The following CDH7 variants were observed in gnomAD, a reference collection of about 807,000 sequenced individuals.
CDH7 encodes cadherin 7.
CDH7 carries 25 observed loss-of-function variants against 71.8 expected under a neutral mutation model. That is an observed-to-expected ratio of 0.35 (90% CI 0.25 to 0.49). The LOEUF (loss-of-function observed/expected upper bound fraction) is 0.49. Ranked by LOEUF, CDH7 falls within the 20% of genes least tolerant of loss-of-function variation. The probability of loss-of-function intolerance (pLI) is 0.99; values close to 1 mark genes in which losing one functional copy is unlikely to be tolerated. For synonymous variants in CDH7, 381 were observed against 363.8 expected (o/e 1.05, Z -0.54); for missense variants, 862 against 974.6 (o/e 0.88, Z 1.54).
chr18:65,873,511 A>C (rs1004797272), intron 11 of CDH7, among the ~76,000 whole-genome samples: 18 of 152,232 alleles, frequency 1.2e-4, no homozygotes, highest in African/African-American at 4.1e-4. Flanking sequence ...TTATCATTTT[A>C]ATATGTGATC....
At chr18:65,767,639 T>C (rs1916415864) in intron 2 of CDH7, among the ~76,000 whole-genome samples, 3 of 152,190 alleles carry the variant, frequency 2.0e-5, no homozygotes, top group South Asian at 4.1e-4. Flanking sequence ...ATTTTCATAA[T>C]AACTTTACAA....
intron 7 of CDH7, among the ~76,000 whole-genome samples, chr18:65,851,983 T>C (rs1341726184): frequency 6.6e-6 from 1 of 152,154 alleles, no homozygotes; most frequent in Non-Finnish European, 1.5e-5. Context: ...TTAATGCTGC[T>C]AGTTTGTCTT....
chr18:65,816,754 C>T (rs1440289402), intron 4 of CDH7, among the ~76,000 whole-genome samples: 1 of 152,064 alleles, frequency 6.6e-6, no homozygotes, highest in Non-Finnish European at 1.5e-5. Flanking sequence ...GTTGCAAAAC[C>T]CAGTGTTGAC....
At chr18:65,800,210 G>T (rs1335507993) in intron 2 of CDH7, among the ~76,000 whole-genome samples, 1 of 152,060 alleles carries the variant, frequency 6.6e-6, no homozygotes, top group African/African-American at 2.4e-5. Context: ...CTCCCGAGTA[G>T]CTGGGACTAC....
chr18:65,820,761 A>C (rs1317995291), intron 4 of CDH7, among the ~76,000 whole-genome samples: 1 of 152,170 alleles, frequency 6.6e-6, no homozygotes. Context: ...AACTTTGACT[A>C]CCAGACTTCT....
intron 7 of CDH7, among the ~76,000 whole-genome samples, chr18:65,849,897 C>A (rs1913084415): frequency 6.6e-6 from 1 of 151,938 alleles, no homozygotes; most frequent in African/African-American, 2.4e-5. Flanking sequence ...AGCACGGTGG[C>A]TCACGTCTGT....
intron 11 of CDH7, among the ~76,000 whole-genome samples, chr18:65,875,575 C>T (rs1453215199): frequency 6.6e-6 from 1 of 152,094 alleles, no homozygotes; most frequent in African/African-American, 2.4e-5. Flanking sequence ...AATTGCTGGA[C>T]AACTTAAACT....
chr18:65,805,974 G>T (rs984473724), intron 2 of CDH7, among the ~76,000 whole-genome samples: 14 of 152,100 alleles, frequency 9.2e-5, no homozygotes, highest in Non-Finnish European at 1.3e-4. Flanking sequence ...TCTAAACTAG[G>T]ATTATGATTC....
intron 7 of CDH7, among the ~76,000 whole-genome samples, chr18:65,850,419 G>GA (rs565158596): frequency 2.6e-5 from 4 of 151,566 alleles, no homozygotes; most frequent in Admixed American, 2.6e-4. Flanking sequence ...AGAAAGAAAG[G>GA]AAAAAACTGA....
In CDH7 at chr18:65,883,541, A is replaced by G. The variant is rs1045191527; in HGVS notation, c.*2647A>G. 6.6e-6 allele frequency: 1 copy of G among 152,058 alleles called. No individual in the cohort carries two copies. Among genetic ancestry groups the G allele is most frequent in the African/African-American group, 2.4e-5 (1 of 41,450 alleles). 9.4% of individuals were successfully genotyped at this position (152,058 alleles called of 1,614,324 possible). A position where few individuals can be genotyped will look rare whatever the true frequency, so the allele number is the denominator to read the frequency against. On this transcript the variant is annotated 3_prime_UTR_variant, in exon 12 of 12. Coordinates refer to ENST00000397968, the MANE Select transcript of CDH7 (RefSeq NM_004361.5). ...TATTATCAAGTTGCTTAAATTCAGT[A>G]TTATACTGAAACCAACTAGAATGAG...
At chr18:65,871,465 A>T (rs1235281848) in intron 11 of CDH7, among the ~76,000 whole-genome samples, 1 of 152,200 alleles carries the variant, frequency 6.6e-6, no homozygotes, top group Non-Finnish European at 1.5e-5. Flanking sequence ...GAGGTCCTTA[A>T]ATAGGCAGGA....
chr18:65,826,596 A>G (rs963801381), intron 6 of CDH7, among the ~76,000 whole-genome samples: 4 of 89,440 alleles, frequency 4.5e-5, no homozygotes, highest in Non-Finnish European at 9.2e-5. Flanking sequence ...ATACAGAATA[A>G]CAGATTATAA....
At chr18:65,752,146 A>G (rs1915900033) in intron 1 of CDH7, among the ~76,000 whole-genome samples, 1 of 152,220 alleles carries the variant, frequency 6.6e-6, no homozygotes, top group African/African-American at 2.4e-5. Flanking sequence ...TTTACGTAAG[A>G]CTTGTCCTCA....
intron 2 of CDH7, among the ~76,000 whole-genome samples, chr18:65,763,447 A>C (rs925843681): frequency 6.6e-6 from 1 of 152,122 alleles, no homozygotes; most frequent in African/African-American, 2.4e-5. Context: ...GTATTATTAA[A>C]ATGATGTCCA....
At chr18:65,788,773 G>A (rs1217810139) in intron 2 of CDH7, among the ~76,000 whole-genome samples, 9 of 152,062 alleles carry the variant, frequency 5.9e-5, no homozygotes, top group Non-Finnish European at 1.2e-4. Context: ...ACCTGCTTTC[G>A]CTTAGATGAA....
At chr18:65,841,682 TATGAGTA>T (rs1297680691) in intron 6 of CDH7, among the ~76,000 whole-genome samples, 4 of 152,168 alleles carry the variant, frequency 2.6e-5, no homozygotes, top group Non-Finnish European at 4.4e-5. Context: ...AAGAAAATTT[TATGAGTA>T]GGTCAGGTTT....
At chr18:65,857,344 AATAATAATAATAATAAT>A (rs1913399434) in intron 7 of CDH7, among the ~76,000 whole-genome samples, 1 of 146,056 alleles carries the variant, frequency 6.8e-6, no homozygotes, top group African/African-American at 2.5e-5. Flanking sequence ...TAATAATAAT[AATAATAATAATAATAAT>A]AAAATAGCCA....
At chr18:65,852,293 T>A (rs1056202530) in intron 7 of CDH7, among the ~76,000 whole-genome samples, 16 of 152,120 alleles carry the variant, frequency 1.1e-4, no homozygotes, top group Non-Finnish European at 2.4e-4. Flanking sequence ...ACTGTGAAAT[T>A]TTAGAGTCCA....
intron 1 of CDH7, among the ~76,000 whole-genome samples, chr18:65,760,580 T>C (rs915089306): frequency 6.6e-6 from 1 of 152,202 alleles, no homozygotes; most frequent in African/African-American, 2.4e-5. Flanking sequence ...TCATTGTCTT[T>C]AAGAGAGAAT....
Sources: allele counts gnomAD v4.1 joint callset (sites outside exome capture counted in the v4.1 genomes callset), GRCh38; gene constraint gnomAD v4.1.1; transcripts MANE v1.5; gene names NCBI Gene and HGNC (gene_info 2026-07-23, HGNC 2026-07-21).